The following ARK2N variants were observed in gnomAD, a reference collection of about 807,000 sequenced individuals.
The protein encoded by ARK2N is protein ARK2N.
At chr18:46,221,490 G>T in the ARK2N span, among the ~76,000 whole-genome samples, 1 of 151,110 alleles carries the variant, frequency 6.6e-6, no homozygotes, top group Admixed American at 6.6e-5. Context: ...AACCTGGGAG[G>T]TGGATGTTGC....
chr18:46,180,844 A>G, the ARK2N span, among the ~76,000 whole-genome samples: 1 of 152,266 alleles, frequency 6.6e-6, no homozygotes, highest in Non-Finnish European at 1.5e-5. Flanking sequence ...GGAAAAAAGT[A>G]CTGCATAACA....
chr18:46,214,228 G>A, the ARK2N span, among the ~76,000 whole-genome samples: 1 of 152,174 alleles, frequency 6.6e-6, no homozygotes, highest in African/African-American at 2.4e-5. Flanking sequence ...GTCTGCTATA[G>A]ATTGAACTAT....
the ARK2N span, among the ~76,000 whole-genome samples, chr18:46,186,498 A>ATT: frequency 0.025 from 2,017 of 81,804 alleles, 107 homozygotes; most frequent in African/African-American, 0.085. Context: ...CCAACTGGTG[A>ATT]TTTTTTTTTT....
the ARK2N span, among the ~76,000 whole-genome samples, chr18:46,221,507 C>G: frequency 1.3e-5 from 2 of 148,930 alleles, no homozygotes; most frequent in African/African-American, 2.5e-5. Flanking sequence ...TTGCAGTGAG[C>G]CGAGGTCATG....
the ARK2N span, among the ~76,000 whole-genome samples, chr18:46,227,987 A>G: frequency 6.6e-5 from 10 of 152,356 alleles, no homozygotes; most frequent in East Asian, 1.7e-3. Context: ...AGCAACTTAC[A>G]ATAAATAATG....
chr18:46,192,422 A>G, the ARK2N span, among the ~76,000 whole-genome samples: 7 of 151,982 alleles, frequency 4.6e-5, no homozygotes, highest in African/African-American at 1.7e-4. Context: ...AAATACAAAA[A>G]AAAAATTATC....
the ARK2N span, among the ~76,000 whole-genome samples, chr18:46,191,655 C>A: frequency 6.6e-6 from 1 of 152,120 alleles, no homozygotes; most frequent in Non-Finnish European, 1.5e-5. Context: ...ATTGTTGAAC[C>A]TCCATTAACT....
At chr18:46,240,956 G>C in the ARK2N span, among the ~76,000 whole-genome samples, 1 of 152,338 alleles carries the variant, frequency 6.6e-6, no homozygotes, top group East Asian at 1.9e-4. Context: ...GAAGGGGATT[G>C]AGAGACTGCT....
chr18:46,192,884 A>AG, the ARK2N span, among the ~76,000 whole-genome samples: 43 of 15,938 alleles, frequency 2.7e-3, 1 homozygote, highest in Middle Eastern at 0.062. Context: ...AGACTGTCTC[A>AG]AAAAAAAAAA....
the ARK2N span, chr18:46,253,600 A>T: frequency 6.9e-7 from 1 of 1,441,108 alleles, no homozygotes; most frequent in Non-Finnish European, 9.4e-7. Flanking sequence ...TGTTTCTGTG[A>T]CTAAACCTAG....
chr18:46,203,058 G>A, the ARK2N span, among the ~76,000 whole-genome samples: 2 of 152,146 alleles, frequency 1.3e-5, no homozygotes, highest in Non-Finnish European at 2.9e-5. Flanking sequence ...CAAATTGATG[G>A]AAGCATTTGG....
chr18:46,263,395 A>T, the ARK2N span: 1 of 263,272 alleles, frequency 3.8e-6, no homozygotes, highest in East Asian at 6.9e-5. Flanking sequence ...GGTGACTTTT[A>T]ATCTTAGGAA....
chr18:46,208,668 C>T, the ARK2N span, among the ~76,000 whole-genome samples: 1 of 151,882 alleles, frequency 6.6e-6, no homozygotes, highest in South Asian at 2.1e-4. Context: ...CGGGGTTTCA[C>T]CATGTTGGCC....
the ARK2N span, among the ~76,000 whole-genome samples, chr18:46,231,090 T>C: frequency 6.6e-6 from 1 of 152,190 alleles, no homozygotes; most frequent in African/African-American, 2.4e-5. Flanking sequence ...TTGTACATTA[T>C]TAAAATTGAG....
chr18:46,230,314 T>C, the ARK2N span, among the ~76,000 whole-genome samples: 1 of 152,224 alleles, frequency 6.6e-6, no homozygotes, highest in Non-Finnish European at 1.5e-5. Flanking sequence ...TTCTCAAGAT[T>C]ACATGTATAG....
At chr18:46,192,722 A>G in the ARK2N span, among the ~76,000 whole-genome samples, 1 of 150,688 alleles carries the variant, frequency 6.6e-6, no homozygotes, top group Non-Finnish European at 1.5e-5. Flanking sequence ...CAGGCCCGCC[A>G]CCATGCCTGG....
At chr18:46,256,232 T>G in the ARK2N span, among the ~76,000 whole-genome samples, 1 of 152,346 alleles carries the variant, frequency 6.6e-6, no homozygotes, top group South Asian at 2.1e-4. Context: ...GGTAGTAACC[T>G]GTATTGTTTA....
the ARK2N span, among the ~76,000 whole-genome samples, chr18:46,196,131 C>G: frequency 6.6e-6 from 1 of 151,934 alleles, no homozygotes; most frequent in Non-Finnish European, 1.5e-5. Context: ...CAGGCATGCG[C>G]CACCACGCCC....
the ARK2N span, chr18:46,217,141 T>G: frequency 6.6e-6 from 1 of 152,566 alleles, no homozygotes; most frequent in African/African-American, 2.4e-5. Context: ...AATCTTTCTA[T>G]CCTCACGTTG....
Sources: allele counts gnomAD v4.1 joint callset (sites outside exome capture counted in the v4.1 genomes callset), GRCh38; gene constraint gnomAD v4.1.1; transcripts MANE v1.5; gene names NCBI Gene and HGNC (gene_info 2026-07-23, HGNC 2026-07-21).